Variants in CES5A observed in about 807,000 individuals in gnomAD.
CES5A encodes the protein carboxylesterase 5.
CES5A carries 67 observed loss-of-function variants against 62.9 expected under a neutral mutation model. The observed-to-expected ratio is 1.07, with a 90% CI of 0.88 to 1.31. CES5A has a LOEUF of 1.31. Ranked by LOEUF, CES5A falls within the 50% of genes most tolerant of loss-of-function variation. The probability of loss-of-function intolerance (pLI) is 0.00; values close to 1 mark genes in which losing one functional copy is unlikely to be tolerated. For missense variants in CES5A, 748 were observed against 708.5 expected (o/e 1.06, Z -0.63); for synonymous variants, 296 against 280.8 (o/e 1.05, Z -0.54).
intron 1 of CES5A, among the ~76,000 whole-genome samples, chr16:55,882,252 T>C (rs1597133252): frequency 6.6e-6 from 1 of 152,322 alleles, no homozygotes; most frequent in South Asian, 2.1e-4. Context: ...AAGAGATTTA[T>C]AGCCAGGACT....
chr16:55,940,444 T>C (rs183962988), intron 2 of CES5A, among the ~76,000 whole-genome samples: 52 of 152,042 alleles, frequency 3.4e-4, no homozygotes, highest in African/African-American at 1.3e-3. Flanking sequence ...AATTGAACAA[T>C]TCTTGGAAAA....
intron 2 of CES5A, among the ~76,000 whole-genome samples, chr16:55,934,070 T>G (rs1450081208): frequency 2.0e-5 from 3 of 152,186 alleles, no homozygotes; most frequent in Non-Finnish European, 2.9e-5. Flanking sequence ...CTCAATACTT[T>G]GCTCAAATTT....
chr16:55,896,982 A>T (rs1300327267), intron 1 of CES5A, among the ~76,000 whole-genome samples: 1 of 152,042 alleles, frequency 6.6e-6, no homozygotes, highest in East Asian at 1.9e-4. Flanking sequence ...TGGATTCACA[A>T]ATGTAGATTT....
At position 55,949,850 on chromosome 16, in the gene CES5A, TA is replaced by T; in HGVS notation, c.94del (p.Tyr32IlefsTer10). 2.0e-6 allele frequency: 3 copies of T among 1,527,280 alleles called. No homozygotes were observed. Among genetic ancestry groups the T allele is most frequent in the African/African-American group, 1.4e-5 (1 of 72,888 alleles). The allele number at this position is 1,527,280 out of a possible 1,614,324, so 94.6% of individuals were successfully genotyped here. ...TACATACAAAGTTGAGGAGGCTGGATAAAAATAGTAAACCAGGCACAATCTC... is the reference window on the plus strand; with the variant it reads ...TACATACAAAGTTGAGGAGGCTGGATAAAATAGTAAACCAGGCACAATCTC... On this transcript the variant is annotated frameshift_variant, in exon 2 of 14. Transcript: ENST00000521992. LOFTEE classifies it high-confidence loss of function.
At chr16:55,871,893 C>T (rs1485106580) in intron 2 of CES5A, 130 bp from the exon 3 acceptor site, 2 of 899,794 alleles carry the variant, frequency 2.2e-6, no homozygotes, top group Non-Finnish European at 3.4e-6. Context: ...GCTACCGGTA[C>T]AAAGTCCAAT....
At chr16:55,918,570 C>T (rs1367089882) in intron 1 of CES5A, among the ~76,000 whole-genome samples, 2 of 152,180 alleles carry the variant, frequency 1.3e-5, no homozygotes, top group African/African-American at 2.4e-5. Context: ...ACTATGCCAT[C>T]GCAGATCATT....
At chr16:55,953,224 C>T (rs1222997945) in intron 1 of CES5A, among the ~76,000 whole-genome samples, 1 of 152,132 alleles carries the variant, frequency 6.6e-6, no homozygotes, top group African/African-American at 2.4e-5. Flanking sequence ...CCACAGTGTA[C>T]ATCGTAGTTA....
intron 2 of CES5A, among the ~76,000 whole-genome samples, chr16:55,931,594 C>A (rs2034312580): frequency 1.3e-5 from 2 of 152,192 alleles, no homozygotes; most frequent in African/African-American, 4.8e-5. Flanking sequence ...CCCCTCTGAT[C>A]CTTTATGCAT....
chr16:55,859,718 C>T, intron 7 of CES5A, 31 bp from the exon 8 acceptor site: 2 of 1,586,400 alleles, frequency 1.3e-6, no homozygotes, highest in East Asian at 4.5e-5. Context: ...AAATCATCAG[C>T]TATCATCAGC....
rs2033593227 is a variant in CES5A at position 55,871,739 on chromosome 16, C to T, written c.303G>A (p.Leu101=). The T allele has an allele frequency of 6.2e-7, 1 of 1,614,020 alleles. No individual in the cohort carries two copies. Among genetic ancestry groups the T allele is most frequent in the Non-Finnish European group, 8.5e-7 (1 of 1,179,970 alleles). Residue 101 remains leucine (L), a synonymous_variant, in exon 3 of 13, where the codon CTG becomes CTA. Coordinates refer to ENST00000290567, the MANE Select transcript of CES5A (RefSeq NM_001143685.2). ...CCTTGAGCATATGTTGATCTAAGAG[C>T]AGCCACTCTGAGTTCTGGAGGCACC... ...PNLCLQNSEW[L]LLDQHMLKVH...
chr16:55,867,212 A>G (rs1408314990), intron 4 of CES5A, among the ~76,000 whole-genome samples: 1 of 152,166 alleles, frequency 6.6e-6, no homozygotes, highest in African/African-American at 2.4e-5. Context: ...TAAACCTGTG[A>G]GCCTGCTGTC....
At chr16:55,907,270 A>C (rs1389451416) in intron 1 of CES5A, among the ~76,000 whole-genome samples, 2 of 152,218 alleles carry the variant, frequency 1.3e-5, no homozygotes, top group Non-Finnish European at 2.9e-5. Flanking sequence ...CTTGATGCAA[A>C]GGAGTCAGCT....
At chr16:55,853,717 C>T (rs1327017820) in intron 9 of CES5A, among the ~76,000 whole-genome samples, 10 of 152,146 alleles carry the variant, frequency 6.6e-5, no homozygotes, top group African/African-American at 2.4e-4. Context: ...ATAGGACATT[C>T]GATGCTTCTC....
At chr16:55,867,807 G>A (rs2033495391) in intron 4 of CES5A, among the ~76,000 whole-genome samples, 1 of 152,186 alleles carries the variant, frequency 6.6e-6, no homozygotes, top group Non-Finnish European at 1.5e-5. Flanking sequence ...TAATGATAGT[G>A]CCCACTCCAC....
At chr16:55,914,283 T>C (rs926846945) in intron 1 of CES5A, among the ~76,000 whole-genome samples, 11 of 152,098 alleles carry the variant, frequency 7.2e-5, no homozygotes, top group Non-Finnish European at 1.5e-4. Context: ...TAAATGAAAA[T>C]ATGTATATAT....
chr16:55,892,296 C>G (rs2033888395), intron 1 of CES5A, among the ~76,000 whole-genome samples: 1 of 152,178 alleles, frequency 6.6e-6, no homozygotes. Context: ...TCCCACCTTT[C>G]TGGACCAAAC....
At chr16:55,918,316 T>C (rs2034168123) in intron 1 of CES5A, among the ~76,000 whole-genome samples, 1 of 152,200 alleles carries the variant, frequency 6.6e-6, no homozygotes, top group South Asian at 2.1e-4. Flanking sequence ...TGGCTGGATG[T>C]GCTGGGTTTC....
intron 1 of CES5A, among the ~76,000 whole-genome samples, chr16:55,887,960 G>T (rs2033834391): frequency 1.3e-5 from 2 of 152,110 alleles, no homozygotes; most frequent in Admixed American, 1.3e-4. Context: ...TTATGGCAAG[G>T]TTACAGGGCA....
chr16:55,887,565 C>A (rs571649614), intron 1 of CES5A, among the ~76,000 whole-genome samples: 1 of 152,054 alleles, frequency 6.6e-6, no homozygotes, highest in Admixed American at 6.5e-5. Context: ...TGGACTCAGG[C>A]CCTGTTGCAG....
Sources: gnomAD v4.1 joint callset for allele counts (sites outside exome capture counted in the v4.1 genomes callset) on GRCh38, gnomAD v4.1.1 for gene constraint, MANE v1.5 for transcripts, NCBI Gene and HGNC (gene_info 2026-07-23, HGNC 2026-07-21) for gene names.